Variants in TNS3 observed in about 807,000 individuals in gnomAD.
The protein encoded by TNS3 is tensin-3.
A neutral mutation model predicts 140.9 loss-of-function variants in TNS3; 45 were observed. That is an observed-to-expected ratio of 0.32 (90% CI 0.25 to 0.41). The LOEUF (loss-of-function observed/expected upper bound fraction) is 0.41, where lower values mean the gene tolerates loss of function less well. Ranked by LOEUF, TNS3 falls within the 10% of genes least tolerant of loss-of-function variation. The pLI, the probability that TNS3 is intolerant of heterozygous loss-of-function variation, is 1.00. For missense variants in TNS3, 1,716 were observed against 1,906.7 expected (o/e 0.90, Z 1.86); for synonymous variants, 815 against 788.4 (o/e 1.03, Z -0.56).
chr7:47,429,874 G>A (rs994964852), intron 8 of TNS3, among the ~76,000 whole-genome samples: 21 of 152,194 alleles, frequency 1.4e-4, no homozygotes, highest in Non-Finnish European at 2.6e-4. Context: ...AAAGTCAAGA[G>A]CATGCCTTAT....
intron 2 of TNS3, among the ~76,000 whole-genome samples, chr7:47,517,971 A>C (rs1164216769): frequency 6.6e-6 from 1 of 152,226 alleles, no homozygotes; most frequent in Non-Finnish European, 1.5e-5. Flanking sequence ...GGCATCAACC[A>C]ATCAATAATC....
intron 21 of TNS3, 104 bp from the exon 22 acceptor site, chr7:47,303,688 TGC>T: frequency 7.3e-7 from 1 of 1,366,100 alleles, no homozygotes; most frequent in Non-Finnish European, 9.7e-7. Flanking sequence ...GGGAAGTGGG[TGC>T]TGAGGCCCTC....
chr7:47,347,766 G>T (rs1789431478), intron 17 of TNS3, among the ~76,000 whole-genome samples: 2 of 152,172 alleles, frequency 1.3e-5, no homozygotes, highest in Non-Finnish European at 2.9e-5. Context: ...GGGAAAGAAG[G>T]AGGAAGAAGT....
chr7:47,459,202 T>A (rs1796382426), intron 4 of TNS3, among the ~76,000 whole-genome samples: 1 of 152,224 alleles, frequency 6.6e-6, no homozygotes, highest in Non-Finnish European at 1.5e-5. Context: ...GTTTAAAATG[T>A]TAACATCCTT....
At position 47,428,304 on chromosome 7, in the gene TNS3, C is replaced by T. The variant is rs1455348413; in HGVS notation, c.389+8G>A. On this transcript the variant is annotated splice_region_variant and intron_variant, in intron 9 of 30. Coordinates refer to ENST00000311160, the MANE Select transcript of TNS3 (RefSeq NM_022748.12). ...CCTCAAGACAGCGAGCTGACATCTT[C>T]ATCCTACCTGGCTGAGACGTTGGTG... 3 of 1,428,360 alleles carry T rather than the reference C, an allele frequency of 2.1e-6. No individual in the cohort carries two copies. The highest frequency in any genetic ancestry group is 2.8e-6 in the Non-Finnish European group (3 of 1,084,766). 88.5% of individuals were successfully genotyped at this position (1,428,360 alleles called of 1,614,324 possible).
intron 16 of TNS3, among the ~76,000 whole-genome samples, chr7:47,374,363 G>A (rs1396958847): frequency 2.6e-5 from 4 of 152,132 alleles, no homozygotes; most frequent in South Asian, 2.1e-4. Flanking sequence ...TGAGGCTGGC[G>A]TTTCGTTGCT....
intron 8 of TNS3, among the ~76,000 whole-genome samples, chr7:47,433,932 C>T (rs538903017): frequency 1.3e-5 from 2 of 151,544 alleles, no homozygotes; most frequent in South Asian, 4.2e-4. Flanking sequence ...TTAGTTTGCA[C>T]CAAAACACAA....
intron 13 of TNS3, among the ~76,000 whole-genome samples, chr7:47,401,951 C>T (rs1168188635): frequency 2.6e-5 from 4 of 152,216 alleles, no homozygotes; most frequent in Non-Finnish European, 5.9e-5. Context: ...GTAGTGACTA[C>T]CAGAGACAGC....
intron 3 of TNS3, among the ~76,000 whole-genome samples, chr7:47,504,276 G>C (rs1408361694): frequency 3.9e-5 from 6 of 152,172 alleles, no homozygotes; most frequent in Non-Finnish European, 7.3e-5. Flanking sequence ...CTGCTGTCTC[G>C]GTCCCCATTT....
At chr7:47,490,992 G>A (rs1797792607) in intron 3 of TNS3, among the ~76,000 whole-genome samples, 1 of 152,152 alleles carries the variant, frequency 6.6e-6, no homozygotes, top group African/African-American at 2.4e-5. Context: ...ACTTGAAAAA[G>A]CCAACAGCAG....
intron 27 of TNS3, among the ~76,000 whole-genome samples, chr7:47,289,818 C>T (rs1303709117): frequency 1.3e-5 from 2 of 152,166 alleles, no homozygotes; most frequent in African/African-American, 4.8e-5. Flanking sequence ...TCAGTTCTTC[C>T]TAATTTCATC....
chr7:47,533,611 T>C (rs1385156029), intron 1 of TNS3, among the ~76,000 whole-genome samples: 1 of 152,108 alleles, frequency 6.6e-6, no homozygotes, highest in Non-Finnish European at 1.5e-5. Flanking sequence ...CTAACAGTCC[T>C]AAACATTTAA....
At chr7:47,345,273 G>A (rs1046261253) in intron 18 of TNS3, among the ~76,000 whole-genome samples, 14 of 152,250 alleles carry the variant, frequency 9.2e-5, no homozygotes, top group African/African-American at 3.4e-4. Flanking sequence ...GGTATCTTAC[G>A]GCCCATCCTT....
chr7:47,459,010 A>G (rs1192825071), intron 4 of TNS3, among the ~76,000 whole-genome samples: 4 of 152,208 alleles, frequency 2.6e-5, no homozygotes, highest in African/African-American at 4.8e-5. Flanking sequence ...TCTTCCGCCC[A>G]TACTTATTTA....
chr7:47,389,066 GAA>G lies in TNS3; in HGVS notation c.1024+7732_1024+7733del, dbSNP rs1562674991. Among the ~76,000 whole-genome samples the G allele has an allele frequency of 2.5e-4, 19 of 76,892 alleles. 2 individuals are homozygous for G. Among genetic ancestry groups the G allele is most frequent in the Middle Eastern group, 5.2e-3 (1 of 192 alleles). The allele number at this position is 76,892 out of a possible 152,430, so 50.4% of individuals were successfully genotyped here. ...AGAAGAAGAAGAAGAAGAAGAAGAA[GAA>G]GAAGAAGAAGAAGAAGAGGAAGAGG... is the stretch of plus-strand genomic sequence containing the variant. On this transcript the variant is annotated intron_variant, in intron 16 of 30. Transcript: ENST00000311160.
intron 3 of TNS3, among the ~76,000 whole-genome samples, chr7:47,497,865 C>G (rs1209290677): frequency 6.6e-6 from 1 of 152,176 alleles, no homozygotes; most frequent in Non-Finnish European, 1.5e-5. Flanking sequence ...CCAGTCAGGG[C>G]AGTCACTCAA....
In TNS3 at chr7:47,396,809, C is replaced by T. The variant is rs751839875; in HGVS notation, c.1015G>A (p.Asp339Asn). 2.5e-6 allele frequency: 4 copies of T among 1,613,878 alleles called. No individual in the cohort carries two copies. In the Admixed American group the frequency reaches 6.7e-5, roughly 27 times the overall value. Reference sequence around the variant, plus strand: ...AGATGAACACACGCACCTTCTCCATCTGCACTGAGGTTCTCGTACGAGTCC... The same window carrying T: ...AGATGAACACACGCACCTTCTCCATTTGCACTGAGGTTCTCGTACGAGTCC... ...RWDSYENLSA[D>N]GEVLHTQGPV... Residue 339 changes from aspartate to asparagine, a missense_variant, in exon 16 of 31, where the codon GAT (aspartate) becomes AAT (asparagine). Physicochemically the swap from Asp to Asn is conservative, Grantham distance 23. Transcript: ENST00000311160.
chr7:47,321,993 G>A (rs536376746), intron 20 of TNS3, among the ~76,000 whole-genome samples: 7 of 152,102 alleles, frequency 4.6e-5, no homozygotes, highest in South Asian at 2.1e-4. Context: ...AGGACTTCCC[G>A]ACCCTCCCAG....
At chr7:47,281,454 T>C (rs1242410388) in intron 28 of TNS3, among the ~76,000 whole-genome samples, 2 of 152,136 alleles carry the variant, frequency 1.3e-5, no homozygotes, top group Admixed American at 1.3e-4. Flanking sequence ...CGGCACAGAG[T>C]AAAGCTCATC....
Sources: gnomAD v4.1 joint callset for allele counts (sites outside exome capture counted in the v4.1 genomes callset) on GRCh38, gnomAD v4.1.1 for gene constraint, MANE v1.5 for transcripts, NCBI Gene and HGNC (gene_info 2026-07-23, HGNC 2026-07-21) for gene names.